ASCC3: variants seen among roughly 807,000 people sequenced by gnomAD.
The protein encoded by ASCC3 is activating signal cointegrator 1 complex subunit 3.
ASCC3 carries 158 observed loss-of-function variants against 256.3 expected under a neutral mutation model. That is an observed-to-expected ratio of 0.62 (90% confidence interval 0.54 to 0.70). The LOEUF (loss-of-function observed/expected upper bound fraction) is 0.70, where lower values mean the gene tolerates loss of function less well. Among genes scored for constraint, ASCC3 ranks in the 30% least tolerant of loss-of-function variants. The pLI is 0.00. For synonymous variants in ASCC3, 948 were observed against 883.4 expected, an observed-to-expected ratio of 1.07 and a Z score of -1.30; for missense variants, 2,259 against 2,626.0, an observed-to-expected ratio of 0.86 and a Z score of 3.05.
rs769310920 is a variant in ASCC3 at position 100,798,823 on chromosome 6, C to G, written c.1285G>C (p.Gly429Arg). Residue 429 changes from glycine to arginine, a missense_variant, in exon 8 of 42, where the codon GGA (glycine) becomes CGA (arginine). Gly to Arg is a moderately radical substitution (Grantham distance 125). Transcript: ENST00000369162. ...IAGAKMILPEGIQRENNKLYE... is the reference protein window; with the variant it reads ...IAGAKMILPERIQRENNKLYE... ...AGCTTGTTATTCTCTCTTTGGATTC[C>G]TTCTGGCAAAATCATCTATAAACAT... 2 of 1,612,246 alleles carry G rather than the reference C, an allele frequency of 1.2e-6. No individual in the cohort carries two copies. Among genetic ancestry groups the G allele is most frequent in the Non-Finnish European group, 1.7e-6 (2 of 1,179,276 alleles).
chr6:100,854,153 A>T (rs1374677928), intron 3 of ASCC3, among the ~76,000 whole-genome samples: 4 of 149,726 alleles, frequency 2.7e-5, no homozygotes, highest in Admixed American at 6.7e-5. Flanking sequence ...CAAGCCAGGT[A>T]CTTTTTTTTT....
At chr6:100,582,382 CTGTT>C (rs1175671750) in intron 36 of ASCC3, among the ~76,000 whole-genome samples, 2 of 151,598 alleles carry the variant, frequency 1.3e-5, no homozygotes, top group Admixed American at 6.6e-5. Flanking sequence ...ATTTGGCTCT[CTGTT>C]TGTCTGTTAT....
intron 22 of ASCC3, among the ~76,000 whole-genome samples, chr6:100,644,761 G>A (rs1775298587): frequency 6.6e-6 from 1 of 152,116 alleles, no homozygotes; most frequent in South Asian, 2.1e-4. Flanking sequence ...CTGTGGTAAG[G>A]CAGAGGCACA....
intron 1 of ASCC3, among the ~76,000 whole-genome samples, chr6:100,871,164 C>T (rs1454493793): frequency 2.6e-5 from 4 of 151,560 alleles, no homozygotes; most frequent in Admixed American, 6.6e-5. Context: ...GGCGTGATCT[C>T]GGCTCACTGC....
chr6:100,681,439 C>T (rs1440054669), intron 13 of ASCC3, among the ~76,000 whole-genome samples: 1 of 151,838 alleles, frequency 6.6e-6, no homozygotes, highest in African/African-American at 2.4e-5. Context: ...ATCATAAGAA[C>T]ATTTTAAGGC....
At position 100,784,894 on chromosome 6, in the gene ASCC3, G is replaced by T. The variant is rs1285004246; in HGVS notation, c.1395+13819C>A. On this transcript the variant is annotated intron_variant, in intron 8 of 41. Transcript: ENST00000369162. The stretch of plus-strand genomic sequence containing the variant: ...AAACAACAATATTTCTTTATAAATA[G>T]AAATACCTAATGCTTTTGTAGTAAT... Among the ~76,000 whole-genome samples, 3 of 151,922 alleles carry T rather than the reference G, an allele frequency of 2.0e-5. No homozygotes were observed. In the East Asian group the frequency reaches 5.8e-4, roughly 29 times the overall value.
intron 36 of ASCC3, among the ~76,000 whole-genome samples, chr6:100,549,880 G>A (rs918371520): frequency 9.2e-5 from 14 of 151,920 alleles, no homozygotes; most frequent in African/African-American, 1.2e-4. Flanking sequence ...CACGGCATTT[G>A]TTCTAGGCTT....
At chr6:100,806,388 G>C (rs1006838165) in intron 4 of ASCC3, among the ~76,000 whole-genome samples, 2 of 151,964 alleles carry the variant, frequency 1.3e-5, no homozygotes, top group Non-Finnish European at 2.9e-5. Context: ...AGTGCTGCAA[G>C]TGCTTTACAT....
At chr6:100,872,767 G>A (rs1773808632) in intron 1 of ASCC3, among the ~76,000 whole-genome samples, 2 of 152,114 alleles carry the variant, frequency 1.3e-5, no homozygotes, top group Non-Finnish European at 1.5e-5. Context: ...CCTGCTGAGT[G>A]GCTAGATCCA....
chr6:100,613,137 GA>G (rs1264122638), intron 30 of ASCC3, among the ~76,000 whole-genome samples: 1 of 150,504 alleles, frequency 6.6e-6, no homozygotes, highest in African/African-American at 2.4e-5. Flanking sequence ...GGTACAAGCA[GA>G]ATCTATTACC....
rs562719714 is a variant in ASCC3, at chr6:100,757,276, CAA to C, written c.1737+9287_1737+9288del. 1.7e-3 allele frequency among the ~76,000 whole-genome samples: 256 copies of C among 151,624 alleles called. No individual in the cohort carries two copies. The East Asian group carries it at 0.018, about 11-fold the overall frequency. On this transcript the variant is annotated intron_variant, in intron 10 of 41. Coordinates refer to ENST00000369162, the MANE Select transcript of ASCC3 (RefSeq NM_006828.4). Reference sequence around the variant, plus strand: ...CAAACACACACACACACACCACCAACAACAACAACAAACACAGCTCAGTAATA... The same window carrying C: ...CAAACACACACACACACACCACCAACCAACAACAAACACAGCTCAGTAATA...
In ASCC3 at chr6:100,723,874, A is replaced by ATAT. The variant is rs1554220096; in HGVS notation, c.1902+1662_1902+1664dup. Reference sequence around the variant, plus strand: ...TTATTAGGGAATTATATATATATATATATATATATATATATATATATATTT... The same window carrying ATAT: ...TTATTAGGGAATTATATATATATATATATTATATATATATATATATATATATTT... On this transcript the variant is annotated intron_variant, in intron 11 of 41. Coordinates refer to ENST00000369162, the MANE Select transcript of ASCC3 (RefSeq NM_006828.4). Among the ~76,000 whole-genome samples the ATAT allele has an allele frequency of 4.7e-5, 6 of 128,140 alleles. 1 individual carries two copies. Among genetic ancestry groups the ATAT allele is most frequent in the Non-Finnish European group, 9.6e-5 (6 of 62,554 alleles). 84.1% of individuals were successfully genotyped at this position (128,140 alleles called of 152,430 possible). A position where few individuals can be genotyped will look rare whatever the true frequency, so the allele number is the denominator to read the frequency against.
At chr6:100,801,539 A>C (rs1562306881) in intron 5 of ASCC3, among the ~76,000 whole-genome samples, 3 of 152,090 alleles carry the variant, frequency 2.0e-5, no homozygotes, top group Non-Finnish European at 4.4e-5. Context: ...GCCCCATTAC[A>C]TAATTCTGAA....
At chr6:100,579,225 A>G (rs1210575668) in intron 36 of ASCC3, among the ~76,000 whole-genome samples, 1 of 141,028 alleles carries the variant, frequency 7.1e-6, no homozygotes, top group African/African-American at 2.6e-5. Context: ...TAAGTTCCTT[A>G]TAGATTCTGA....
Position 100,570,990 on chromosome 6 carries a change from A to G in ASCC3, c.5550+18644T>C, listed in dbSNP as rs552593141. ...GACTTTCTGCAGCAGCCAGTTCTCT[A>G]TAAAAAAGCTAGAATGGTCTTTTTC... On this transcript the variant is annotated intron_variant, in intron 36 of 41. Coordinates refer to ENST00000369162, the MANE Select transcript of ASCC3 (RefSeq NM_006828.4). Among the ~76,000 whole-genome samples, 4 of 152,300 alleles carry G rather than the reference A, an allele frequency of 2.6e-5. No individual in the cohort carries two copies. In the East Asian group the frequency reaches 5.8e-4, roughly 22 times the overall value.
chr6:100,847,738 A>G (rs1029667057), intron 4 of ASCC3, among the ~76,000 whole-genome samples: 1 of 152,200 alleles, frequency 6.6e-6, no homozygotes, highest in Non-Finnish European at 1.5e-5. Context: ...AGTTACCTAA[A>G]GTGTCACAAC....
intron 13 of ASCC3, among the ~76,000 whole-genome samples, chr6:100,686,494 T>A (rs1777575422): frequency 6.6e-6 from 1 of 152,170 alleles, no homozygotes; most frequent in South Asian, 2.1e-4. Context: ...ACACACTGTT[T>A]TTCCTTTTTC....
intron 13 of ASCC3, among the ~76,000 whole-genome samples, chr6:100,680,195 A>C (rs1177912222): frequency 2.0e-4 from 30 of 152,186 alleles, no homozygotes. Flanking sequence ...AATCACTTAA[A>C]ATACAAAGGT....
intron 1 of ASCC3, among the ~76,000 whole-genome samples, chr6:100,869,232 C>A (rs750417012): frequency 3.9e-5 from 6 of 152,018 alleles, no homozygotes; most frequent in Non-Finnish European, 7.4e-5. Flanking sequence ...GACAGCTCCC[C>A]AACAACTAAG....
Sources: gnomAD v4.1 joint callset for allele counts (sites outside exome capture counted in the v4.1 genomes callset) on GRCh38, gnomAD v4.1.1 for gene constraint, MANE v1.5 for transcripts, NCBI Gene and HGNC (gene_info 2026-07-23, HGNC 2026-07-21) for gene names.